Variants in SSB observed in about 807,000 individuals in gnomAD.
SSB encodes lupus La protein.
A neutral mutation model predicts 52.9 loss-of-function variants in SSB; 17 were observed. That is an observed-to-expected ratio of 0.32 (90% CI 0.22 to 0.48). SSB has a LOEUF of 0.48. Ranked by LOEUF, SSB falls within the 20% of genes least tolerant of loss-of-function variation. The pLI is 0.99. For synonymous variants in SSB, 111 were observed against 152.1 expected, an observed-to-expected ratio of 0.73 and a Z score of 1.99; for missense variants, 314 against 463.6, an observed-to-expected ratio of 0.68 and a Z score of 2.96.
intron 9 of SSB, 45 bp from the exon 10 acceptor site, chr2:169,810,813 A>T (rs1434864216): frequency 1.9e-6 from 3 of 1,545,644 alleles, no homozygotes; most frequent in East Asian, 2.3e-5. Context: ...TAATTGTGGG[A>T]CTAAAAACCA....
intron 2 of SSB, 33 bp from the exon 3 acceptor site, chr2:169,805,441 A>C: frequency 6.8e-7 from 1 of 1,478,280 alleles, no homozygotes; most frequent in African/African-American, 1.4e-5. Flanking sequence ...CATATTATAC[A>C]GTGTTCTGAA....
At chr2:169,799,972 C>T (rs1346006251) in intron 1 of SSB, among the ~76,000 whole-genome samples, 5 of 152,184 alleles carry the variant, frequency 3.3e-5, no homozygotes, top group Non-Finnish European at 7.3e-5. Flanking sequence ...TTTGTAATTT[C>T]TAGCAAACTA....
At position 169,811,881 on chromosome 2, in the gene SSB, T is replaced by G. The variant is rs1380871851; in HGVS notation, c.*125T>G. 6.2e-7 allele frequency: 1 copy of G among 1,612,068 alleles called. No homozygotes were observed. The highest frequency in any genetic ancestry group is 1.7e-5 in the Admixed American group (1 of 59,738). The stretch of plus-strand genomic sequence containing the variant: ...CACCTGTGAGAAAGGAAAAATTTTT[T>G]TGTTGTTTAACTTGTCTTTTTGTTA... On this transcript the variant is annotated 3_prime_UTR_variant, in exon 12 of 12. Coordinates refer to ENST00000260956, the MANE Select transcript of SSB (RefSeq NM_003142.5).
chr2:169,805,491 C>CA lies in SSB; in HGVS notation c.86dup (p.Asn29LysfsTer16). On this transcript the variant is annotated frameshift_variant, in exon 3 of 12. Transcript: ENST00000260956. LOFTEE classifies it high-confidence loss of function. ...TCTCACAGTATTATTTTGGCGACTTCAATTTGCCACGGGACAAGTTTCTAA... is the reference window on the plus strand; with the variant it reads ...TCTCACAGTATTATTTTGGCGACTTCAAATTTGCCACGGGACAAGTTTCTAA... 2.5e-6 allele frequency: 4 copies of CA among 1,613,110 alleles called. No homozygotes were observed. The highest frequency in any genetic ancestry group is 3.4e-6 in the Non-Finnish European group (4 of 1,179,864).
In SSB at chr2:169,810,289, C is replaced by G. The variant is rs201142063; in HGVS notation, c.676C>G (p.Leu226Val). Residue 226 changes from leucine to valine, a missense_variant, in exon 9 of 12, where the codon CTA (leucine) becomes GTA (valine). Transcript: ENST00000260956. ...KLEEDAEMKS[L>V]EEKIGCLLKF... ...ACTTTGTATATTTTTATAGAAATCTCTAGAAGAAAAGATTGGATGCTTGCT... is the reference window on the plus strand; with the variant it reads ...ACTTTGTATATTTTTATAGAAATCTGTAGAAGAAAAGATTGGATGCTTGCT... 2.7e-5 allele frequency: 43 copies of G among 1,601,040 alleles called. No homozygotes were observed. The African/African-American group carries it at 5.5e-4, about 21-fold the overall frequency.
chr2:169,811,004 A>G lies in SSB; in HGVS notation c.957A>G (p.Ile319Met), dbSNP rs1268463610. The G allele has an allele frequency of 6.2e-7, 1 of 1,612,118 alleles. No individual in the cohort carries two copies. The part of the protein sequence containing the change: ...EVEKEALKKI[I>M]EDQQESLNKW... Reference sequence around the variant, plus strand: ...AAAAAGAAGCACTGAAGAAAATAATAGAAGACCAACAAGAATCCCTAAACA... The same window carrying G: ...AAAAAGAAGCACTGAAGAAAATAATGGAAGACCAACAAGAATCCCTAAACA... The change falls in exon 10 of 12, where the codon ATA becomes ATG. Residue 319 changes from isoleucine (I) to methionine (M), a missense_variant. Physicochemically the swap from Ile to Met is conservative, Grantham distance 10. Transcript: ENST00000260956.
intron 2 of SSB, among the ~76,000 whole-genome samples, chr2:169,805,098 C>T (rs1159548444): frequency 6.6e-6 from 1 of 151,982 alleles, no homozygotes; most frequent in Non-Finnish European, 1.5e-5. Flanking sequence ...CCACTGCACT[C>T]CAGCCTGAGC....
In SSB at chr2:169,810,927, C is replaced by T; in HGVS notation, c.880C>T (p.Leu294=). Residue 294 remains leucine (L), a synonymous_variant, in exon 10 of 12, where the codon CTA becomes TTA. Coordinates refer to ENST00000260956, the MANE Select transcript of SSB (RefSeq NM_003142.5). The stretch of plus-strand genomic sequence containing the variant: ...AGCCAAAGATGCAAATAATGGTAAC[C>T]TACAATTAAGGAACAAAGAAGTGAC... The part of the protein sequence containing the change: ...GKAKDANNGN[L]QLRNKEVTWE... 6.2e-7 allele frequency: 1 copy of T among 1,613,318 alleles called. No homozygotes were observed. Among genetic ancestry groups the T allele is most frequent in the Non-Finnish European group, 8.5e-7 (1 of 1,179,648 alleles).
chr2:169,799,461 T>C (rs1689660600), intron 1 of SSB: 1 of 152,016 alleles, frequency 6.6e-6, no homozygotes, highest in Non-Finnish European at 1.5e-5. Flanking sequence ...CGTCACTCTT[T>C]TGGTCTGTTA....
Position 169,800,915 on chromosome 2 carries a change from A to G in SSB, c.-9-37A>G, listed in dbSNP as rs1311159235. 4 of 1,470,766 alleles carry G rather than the reference A, an allele frequency of 2.7e-6. No homozygotes were observed. In the East Asian group the frequency reaches 9.4e-5, roughly 34 times the overall value. 91.1% of individuals were successfully genotyped at this position (1,470,766 alleles called of 1,614,324 possible). ...ATCTTTCTATTCTTGAGTTTTATAT[A>G]AAAAATAACTTTATGCTAATTTGGG... On this transcript the variant is annotated intron_variant, in intron 1 of 11. Transcript: ENST00000260956.
intron 10 of SSB, 30 bp from the exon 11 acceptor site, chr2:169,811,152 CT>C (rs751283802): frequency 6.3e-7 from 1 of 1,597,388 alleles, no homozygotes; most frequent in Non-Finnish European, 8.5e-7. Context: ...AAAAAAAGTT[CT>C]TTACAGAGTG....
chr2:169,798,987 C>T lies in SSB; in HGVS notation c.-10+11C>T, dbSNP rs1483158253. 2 of 151,940 alleles carry T rather than the reference C, an allele frequency of 1.3e-5. No individual in the cohort carries two copies. The highest frequency in any genetic ancestry group is 4.8e-5 in the African/African-American group (2 of 41,482). 9.4% of individuals were successfully genotyped at this position (151,940 alleles called of 1,614,324 possible). The stretch of plus-strand genomic sequence containing the variant: ...GCCGGAACCTTAAAGGTGAGTAACT[C>T]TCGGTGGCTAATGAGAAGCTACAAA... On this transcript the variant is annotated intron_variant, in intron 1 of 11. Transcript: ENST00000260956.
chr2:169,808,473 G>A lies in SSB; in HGVS notation c.555-9G>A, dbSNP rs41268693. ...CGTGAACTTAGCCTCTGTACTGTGT[G>A]TTCTTTAGGGACGATTACTTTGCCA... On this transcript the variant is annotated splice_polypyrimidine_tract_variant and intron_variant, in intron 6 of 11. Coordinates refer to ENST00000260956, the MANE Select transcript of SSB (RefSeq NM_003142.5). 56,594 of 1,610,638 alleles carry A rather than the reference G, an allele frequency of 0.035. 1,095 individuals carry two copies. Among genetic ancestry groups the A allele is most frequent in the Non-Finnish European group, 0.038 (44,893 of 1,177,056 alleles).
intron 1 of SSB, among the ~76,000 whole-genome samples, chr2:169,800,252 C>T (rs1689679417): frequency 1.3e-5 from 2 of 152,070 alleles, no homozygotes; most frequent in Admixed American, 6.5e-5. Context: ...GAAATGAGGC[C>T]GGGCGCGGTG....
chr2:169,809,458 T>C (rs1325309884), intron 8 of SSB, among the ~76,000 whole-genome samples: 3 of 152,164 alleles, frequency 2.0e-5, no homozygotes, highest in Non-Finnish European at 2.9e-5. Context: ...CTAGAACTTA[T>C]TTTTATGAGA....
chr2:169,804,945 A>G (rs1246298400), intron 2 of SSB, among the ~76,000 whole-genome samples: 5 of 152,118 alleles, frequency 3.3e-5, no homozygotes. Context: ...CAAGGCCAAC[A>G]TGGTAAAACC....
At chr2:169,804,790 G>A (rs1425704204) in intron 2 of SSB, among the ~76,000 whole-genome samples, 1 of 150,964 alleles carries the variant, frequency 6.6e-6, no homozygotes, top group African/African-American at 2.4e-5. Flanking sequence ...CCAAAGTGCA[G>A]GGATTACAGG....
chr2:169,806,305 T>C (rs545872188), intron 4 of SSB, among the ~76,000 whole-genome samples: 19 of 152,316 alleles, frequency 1.2e-4, no homozygotes, highest in African/African-American at 3.4e-4. Flanking sequence ...TTCTACCTTG[T>C]AGAACTGTTG....
At chr2:169,804,648 T>C (rs572183231) in intron 2 of SSB, among the ~76,000 whole-genome samples, 1 of 151,932 alleles carries the variant, frequency 6.6e-6, no homozygotes, top group East Asian at 2.0e-4. Flanking sequence ...CGGTTTCAAA[T>C]GATTCTTCTG....
Sources: gnomAD v4.1 joint callset for allele counts (sites outside exome capture counted in the v4.1 genomes callset) on GRCh38, gnomAD v4.1.1 for gene constraint, MANE v1.5 for transcripts, NCBI Gene and HGNC (gene_info 2026-07-23, HGNC 2026-07-21) for gene names.